Variants in NUDC observed in about 807,000 individuals in gnomAD.
NUDC encodes nuclear distribution C, dynein complex regulator.
Under a neutral mutation model 45.0 loss-of-function variants are expected in NUDC, and 14 were observed. The observed-to-expected ratio is 0.31, with a 90% CI of 0.21 to 0.49. The LOEUF (loss-of-function observed/expected upper bound fraction) is 0.49, where lower values mean the gene tolerates loss of function less well. Ranked by LOEUF, NUDC falls within the 20% of genes least tolerant of loss-of-function variation. The pLI, the probability that NUDC is intolerant of heterozygous loss-of-function variation, is 0.99. For synonymous variants in NUDC, 153 were observed against 156.7 expected (o/e 0.98, Z 0.17); for missense variants, 323 against 426.2 (o/e 0.76, Z 2.13).
In NUDC at chr1:26,924,186, G is replaced by C; in HGVS notation, c.159+20G>C. 1 of 1,607,988 alleles carries C rather than the reference G, an allele frequency of 6.2e-7. No homozygotes were observed. Among genetic ancestry groups the C allele is most frequent in the Non-Finnish European group, 8.5e-7 (1 of 1,174,474 alleles). On this transcript the variant is annotated intron_variant, in intron 2 of 8. Coordinates refer to ENST00000321265, the MANE Select transcript of NUDC (RefSeq NM_006600.4). ...GAGAAGGTAAGTGTTGGAAACCACTGTCCTTTGGGCGGCTCTGTCTCTTCA... is the reference window on the plus strand; with the variant it reads ...GAGAAGGTAAGTGTTGGAAACCACTCTCCTTTGGGCGGCTCTGTCTCTTCA...
At chr1:26,933,060 C>T (rs1002120278) in intron 2 of NUDC, among the ~76,000 whole-genome samples, 50 of 151,956 alleles carry the variant, frequency 3.3e-4, no homozygotes, top group African/African-American at 9.9e-4. Context: ...CTCAGCCTCC[C>T]GAGTACCTGG....
chr1:26,908,234 T>G (rs116237527), intron 2 of NUDC, among the ~76,000 whole-genome samples: 247 of 151,700 alleles, frequency 1.6e-3, no homozygotes, highest in African/African-American at 5.6e-3. Context: ...TTAAGTTACA[T>G]ACGCCATCTG....
intron 2 of NUDC, among the ~76,000 whole-genome samples, chr1:26,931,137 G>A (rs192897519): frequency 4.5e-4 from 68 of 151,940 alleles, no homozygotes; most frequent in African/African-American, 1.6e-3. Flanking sequence ...GAGTGCAGTG[G>A]CGCCATCTTG....
At chr1:26,915,060 T>C (rs1570716199) in intron 3 of NUDC, among the ~76,000 whole-genome samples, 1 of 144,508 alleles carries the variant, frequency 6.9e-6, no homozygotes, top group African/African-American at 2.5e-5. Context: ...CATACATACA[T>C]ATATATATAT....
intron 3 of NUDC, among the ~76,000 whole-genome samples, chr1:26,916,239 T>A (rs553669681): frequency 2.6e-5 from 4 of 151,394 alleles, no homozygotes; most frequent in Non-Finnish European, 2.9e-5. Flanking sequence ...AAAAAAAAAA[T>A]TAGCCAGTGT....
intron 1 of NUDC, among the ~76,000 whole-genome samples, chr1:26,923,748 A>G (rs1008618947): frequency 2.6e-5 from 4 of 152,114 alleles, no homozygotes; most frequent in South Asian, 2.1e-4. Flanking sequence ...CTGGGATTAT[A>G]GGTGTGAGCC....
rs1397817794 is a variant in NUDC at position 26,946,255 on chromosome 1, G to A, written c.*74G>A. 3.0e-6 allele frequency: 4 copies of A among 1,340,358 alleles called. No homozygotes were observed. The highest frequency in any genetic ancestry group is 4.6e-5 in the East Asian group (2 of 43,562). 83.0% of individuals were successfully genotyped at this position (1,340,358 alleles called of 1,614,324 possible). Reference sequence around the variant, plus strand: ...AACTTTCTTTCCCACTCTTCTCTGGGACTTGTGGGCCTCAGGGCTTGGGGC... The same window carrying A: ...AACTTTCTTTCCCACTCTTCTCTGGAACTTGTGGGCCTCAGGGCTTGGGGC... On this transcript the variant is annotated 3_prime_UTR_variant, in exon 9 of 9. Coordinates refer to ENST00000321265, the MANE Select transcript of NUDC (RefSeq NM_006600.4).
intron 2 of NUDC, among the ~76,000 whole-genome samples, chr1:26,924,936 A>G (rs1237355385): frequency 6.6e-6 from 1 of 151,426 alleles, no homozygotes; most frequent in Non-Finnish European, 1.5e-5. Flanking sequence ...GCTGGAGTGC[A>G]GTGGCATAAT....
At chr1:26,918,061 T>C (rs1370224308), upstream of NUDC, among the ~76,000 whole-genome samples, 1 of 152,042 alleles carries the variant, frequency 6.6e-6, no homozygotes, top group Non-Finnish European at 1.5e-5. Flanking sequence ...CAGACTATCA[T>C]CTCCAATTCC....
At chr1:26,920,714 G>C (rs2082085036), upstream of NUDC, among the ~76,000 whole-genome samples, 1 of 151,358 alleles carries the variant, frequency 6.6e-6, no homozygotes, top group African/African-American at 2.4e-5. Flanking sequence ...TTGAGACCAG[G>C]GTTTGAGACT....
At chr1:26,913,848 A>G (rs1205656624) in intron 3 of NUDC, 3 of 1,508,648 alleles carry the variant, frequency 2.0e-6, no homozygotes, top group Non-Finnish European at 2.7e-6. Flanking sequence ...GTCGGGGGAC[A>G]GCCTTGAGGC....
intron 2 of NUDC, among the ~76,000 whole-genome samples, chr1:26,907,662 G>C (rs1458951962): frequency 6.6e-6 from 1 of 152,176 alleles, no homozygotes; most frequent in Non-Finnish European, 1.5e-5. Flanking sequence ...TAGAGATAAT[G>C]ATGGCAATAA....
chr1:26,919,183 A>G (rs2082076820), upstream of NUDC, among the ~76,000 whole-genome samples: 1 of 151,926 alleles, frequency 6.6e-6, no homozygotes, highest in South Asian at 2.1e-4. Context: ...TCCCAGGCTC[A>G]AGTGATTCTC....
chr1:26,918,553 C>A (rs1557669330), upstream of NUDC, among the ~76,000 whole-genome samples: 1 of 150,542 alleles, frequency 6.6e-6, no homozygotes, highest in South Asian at 2.1e-4. Context: ...AGATTACAGG[C>A]ATGAGCCACC....
intron 3 of NUDC, among the ~76,000 whole-genome samples, chr1:26,915,054 C>CATATATATATATATATAT (rs1476735799): frequency 7.5e-6 from 1 of 132,744 alleles, no homozygotes; most frequent in Admixed American, 7.4e-5. Flanking sequence ...CACATACATA[C>CATATATATATATATATAT]ATACATATAT....
chr1:26,917,301 C>T (rs758238367), upstream of NUDC, among the ~76,000 whole-genome samples: 1 of 151,730 alleles, frequency 6.6e-6, no homozygotes, highest in Non-Finnish European at 1.5e-5. Context: ...GGGGTTCACA[C>T]CTGTAATCCC....
chr1:26,911,617 C>G, intron 3 of NUDC: 1 of 573,158 alleles, frequency 1.7e-6, no homozygotes, highest in Non-Finnish European at 3.2e-6. Flanking sequence ...AGTCTTGGCC[C>G]AGAGGCTGTG....
At chr1:26,905,263 C>T (rs1356783801) in intron 2 of NUDC, among the ~76,000 whole-genome samples, 5 of 146,494 alleles carry the variant, frequency 3.4e-5, no homozygotes, top group Non-Finnish European at 6.0e-5. Flanking sequence ...TGGGTTCAGG[C>T]GATTCTCCTG....
rs951369047 is a variant in NUDC at position 26,913,613 on chromosome 1, C to G, written c.93+2378C>G. The G allele has an allele frequency of 6.2e-7, 1 of 1,614,078 alleles. No homozygotes were observed. Among genetic ancestry groups the G allele is most frequent in the Non-Finnish European group, 8.5e-7 (1 of 1,180,008 alleles). On this transcript the variant is annotated intron_variant, in intron 3 of 6. Transcript: ENST00000435827. ...AGTATGCTGGGCACCGGGGCCTCAG[C>G]CACCTCAAAGGTCACAGCATCTTGG... is the stretch of plus-strand genomic sequence containing the variant.
Sources: gnomAD v4.1 joint callset for allele counts (sites outside exome capture counted in the v4.1 genomes callset) on GRCh38, gnomAD v4.1.1 for gene constraint, MANE v1.5 for transcripts, NCBI Gene and HGNC (gene_info 2026-07-23, HGNC 2026-07-21) for gene names.